The following CFAP221 variants were observed in gnomAD, a reference collection of about 807,000 sequenced individuals.
The protein encoded by CFAP221 is cilia and flagella associated protein 221.
In CFAP221, 97 loss-of-function variants were observed where a neutral mutation model predicts 113.1. That is an observed-to-expected ratio of 0.86 (90% confidence interval 0.73 to 1.02). The LOEUF (loss-of-function observed/expected upper bound fraction) is 1.02. Ranked by LOEUF, CFAP221 falls within the 50% of genes least tolerant of loss-of-function variation. The pLI is 0.00. For synonymous variants in CFAP221, 331 were observed against 354.4 expected (o/e 0.93, Z 0.74); for missense variants, 1,025 against 1,013.4 (o/e 1.01, Z -0.16).
intron 17 of CFAP221, among the ~76,000 whole-genome samples, chr2:119,630,171 A>G (rs987090921): frequency 6.6e-6 from 1 of 152,250 alleles, no homozygotes; most frequent in Non-Finnish European, 1.5e-5. Context: ...GGATATACCT[A>G]TATCATGCAT....
chr2:119,559,628 A>G (rs996746817), intron 3 of CFAP221, 61 bp from the exon 4 acceptor site: 1 of 1,342,890 alleles, frequency 7.4e-7, no homozygotes. Context: ...GTCTACATAA[A>G]TGAGGTGAGT....
chr2:119,627,957 G>T (rs1432751348), intron 16 of CFAP221, among the ~76,000 whole-genome samples, 171 bp downstream of exon 16: 1 of 152,156 alleles, frequency 6.6e-6, no homozygotes, highest in East Asian at 1.9e-4. Context: ...CCTGCCATCT[G>T]CCTTGCTCCT....
rs544046942 is a variant in CFAP221 at position 119,647,758 on chromosome 2, A to G, written c.2318+708A>G. Among the ~76,000 whole-genome samples, 6 of 152,344 alleles carry G rather than the reference A, an allele frequency of 3.9e-5. No homozygotes were observed. The South Asian group carries it at 1.2e-3, about 32-fold the overall frequency. ...ACATAATTTCAGGGAGAAAATTAGA[A>G]GTTCCATATGTTTTAAAGCAGATAC... On this transcript the variant is annotated intron_variant, in intron 22 of 23. Transcript: ENST00000413369.
At position 119,611,565 on chromosome 2, in the gene CFAP221, T is replaced by C; in HGVS notation, c.1222-88T>C. 3 of 1,219,838 alleles carry C rather than the reference T, an allele frequency of 2.5e-6. 1 individual carries two copies. The highest frequency in any genetic ancestry group is 2.4e-5 in the East Asian group (1 of 41,008). The allele number at this position is 1,219,838 out of a possible 1,614,324, so 75.6% of individuals were successfully genotyped here. Reference sequence around the variant, plus strand: ...GAACGTCGTGGGTGGATTTGGCCAATTGCTTAATGGGTTTCTACAAGTTTT... The same window carrying C: ...GAACGTCGTGGGTGGATTTGGCCAACTGCTTAATGGGTTTCTACAAGTTTT... On this transcript the variant is annotated intron_variant, in intron 12 of 23. Coordinates refer to ENST00000413369, the MANE Select transcript of CFAP221 (RefSeq NM_001271049.2).
intron 16 of CFAP221, among the ~76,000 whole-genome samples, chr2:119,629,572 C>T (rs1271451510): frequency 6.6e-6 from 1 of 152,214 alleles, no homozygotes; most frequent in Non-Finnish European, 1.5e-5. Context: ...TCCCTACACT[C>T]CTGGCAGCTA....
intron 6 of CFAP221, among the ~76,000 whole-genome samples, chr2:119,583,609 A>C (rs1336793758): frequency 6.6e-6 from 1 of 152,222 alleles, no homozygotes; most frequent in Non-Finnish European, 1.5e-5. Flanking sequence ...TGTAAAAGAC[A>C]AACATTCCAT....
intron 18 of CFAP221, 21 bp downstream of exon 18, chr2:119,630,698 A>C: frequency 1.2e-6 from 2 of 1,605,846 alleles, no homozygotes; most frequent in Non-Finnish European, 1.7e-6. Flanking sequence ...CCCATCTTCC[A>C]GAATCTCTCT....
intron 8 of CFAP221, among the ~76,000 whole-genome samples, chr2:119,603,850 C>T (rs1684528900): frequency 6.6e-6 from 1 of 152,150 alleles, no homozygotes; most frequent in Non-Finnish European, 1.5e-5. Flanking sequence ...GAATAGAACA[C>T]AGTTCTACTG....
chr2:119,638,510 AG>A (rs1345695894), intron 20 of CFAP221, 93 bp downstream of exon 20: 1 of 1,483,670 alleles, frequency 6.7e-7, no homozygotes, highest in Non-Finnish European at 9.3e-7. Flanking sequence ...ATTGCGACAA[AG>A]GTTTGCCGCC....
chr2:119,574,768 G>A (rs1396554620), intron 6 of CFAP221, among the ~76,000 whole-genome samples: 1 of 152,102 alleles, frequency 6.6e-6, no homozygotes, highest in African/African-American at 2.4e-5. Context: ...ATTATGTAAT[G>A]CTTGTCAAAA....
intron 14 of CFAP221, among the ~76,000 whole-genome samples, chr2:119,624,351 A>G (rs1574163863): frequency 6.6e-6 from 1 of 152,362 alleles, no homozygotes; most frequent in African/African-American, 2.4e-5. Flanking sequence ...AATGGCAATC[A>G]TTAAAAAGTC....
chr2:119,628,292 G>GTGTGTGTGT (rs1553491021), intron 16 of CFAP221, among the ~76,000 whole-genome samples: 2 of 12,050 alleles, frequency 1.7e-4, no homozygotes, highest in African/African-American at 1.3e-4. Flanking sequence ...CTCTCTCTGG[G>GTGTGTGTGT]GGGTGTGTGT....
chr2:119,604,153 A>G (rs971697416), intron 8 of CFAP221, among the ~76,000 whole-genome samples: 4 of 152,186 alleles, frequency 2.6e-5, no homozygotes, highest in African/African-American at 7.2e-5. Context: ...TTCAGTCAGT[A>G]TGTTCTTTAA....
intron 6 of CFAP221, chr2:119,573,497 A>G (rs1574034203): frequency 6.6e-6 from 1 of 152,296 alleles, no homozygotes; most frequent in African/African-American, 2.4e-5. Flanking sequence ...TAGAATCCAC[A>G]GTGAGCTTTT....
At chr2:119,547,946 G>C (rs1680163984) in intron 2 of CFAP221, among the ~76,000 whole-genome samples, 1 of 152,102 alleles carries the variant, frequency 6.6e-6, no homozygotes, top group Non-Finnish European at 1.5e-5. Flanking sequence ...AGACAGACCT[G>C]GGGTTGATTT....
intron 13 of CFAP221, among the ~76,000 whole-genome samples, chr2:119,612,364 C>A (rs1166498761): frequency 6.6e-5 from 10 of 152,222 alleles, no homozygotes. Context: ...AGGAAACGTA[C>A]AATCATGGCA....
intron 19 of CFAP221, among the ~76,000 whole-genome samples, chr2:119,631,797 A>G (rs1558980678): frequency 6.6e-6 from 1 of 152,218 alleles, no homozygotes; most frequent in Non-Finnish European, 1.5e-5. Flanking sequence ...CAAAAGGCAC[A>G]AATTACCAAT....
At chr2:119,625,888 A>G in intron 15 of CFAP221, 200 bp downstream of exon 15, 1 of 558,632 alleles carries the variant, frequency 1.8e-6, no homozygotes, top group Non-Finnish European at 3.2e-6. Context: ...CATCATTTAT[A>G]CTTGCTGATT....
intron 7 of CFAP221, among the ~76,000 whole-genome samples, chr2:119,593,936 C>T (rs959075203): frequency 1.2e-4 from 18 of 152,188 alleles, no homozygotes; most frequent in African/African-American, 4.3e-4. Flanking sequence ...AGATGGTGCT[C>T]AGCCATTCAT....
Sources: allele counts gnomAD v4.1 joint callset (sites outside exome capture counted in the v4.1 genomes callset), GRCh38; gene constraint gnomAD v4.1.1; transcripts MANE v1.5; gene names NCBI Gene and HGNC (gene_info 2026-07-23, HGNC 2026-07-21).